NBEAL1: variants seen among roughly 807,000 people sequenced by gnomAD.
NBEAL1 encodes the protein neurobeachin like 1.
NBEAL1 carries 273 observed loss-of-function variants against 351.3 expected under a neutral mutation model. That is an observed-to-expected ratio of 0.78 (90% CI 0.70 to 0.86). The LOEUF is 0.86. Ranked by LOEUF, NBEAL1 falls within the 40% of genes least tolerant of loss-of-function variation. NBEAL1 has a pLI of 0.00. For missense variants in NBEAL1, 2,961 were observed against 3,201.3 expected (o/e 0.92, Z 1.81); for synonymous variants, 1,050 against 1,086.4 (o/e 0.97, Z 0.66).
At chr2:203,207,166 G>A (rs1171706389) in intron 51 of NBEAL1, among the ~76,000 whole-genome samples, 1 of 151,262 alleles carries the variant, frequency 6.6e-6, no homozygotes, top group East Asian at 2.0e-4. Flanking sequence ...TGAGAAGTGA[G>A]GAGCCCCTCC....
intron 4 of NBEAL1, among the ~76,000 whole-genome samples, chr2:203,055,701 A>G (rs537826217): frequency 2.6e-5 from 4 of 152,312 alleles, no homozygotes; most frequent in Non-Finnish European, 5.9e-5. Context: ...AGATCACAAT[A>G]TCTCATAACA....
At chr2:203,132,158 C>T in intron 26 of NBEAL1, 26 bp downstream of exon 26, 2 of 1,340,474 alleles carry the variant, frequency 1.5e-6, no homozygotes, top group Non-Finnish European at 2.0e-6. Context: ...ATAAAGCTAA[C>T]ATATTTAAGA....
intron 47 of NBEAL1, among the ~76,000 whole-genome samples, chr2:203,196,779 C>T (rs1344199424): frequency 6.6e-6 from 1 of 152,156 alleles, no homozygotes; most frequent in Non-Finnish European, 1.5e-5. Context: ...TGTTCTCTTT[C>T]ACATTGTTAT....
intron 43 of NBEAL1, chr2:203,181,589 G>A (rs2064719038): frequency 1.3e-5 from 2 of 152,056 alleles, no homozygotes; most frequent in Admixed American, 1.3e-4. Context: ...TGTTCTTTAG[G>A]GAGGTTCCAC....
intron 35 of NBEAL1, among the ~76,000 whole-genome samples, chr2:203,154,092 C>T (rs776148691): frequency 7.3e-5 from 11 of 151,634 alleles, no homozygotes; most frequent in Admixed American, 5.2e-4. Context: ...AAAAATTAGC[C>T]GGGCGTAGTG....
At chr2:203,052,071 T>A (rs4325728) in intron 4 of NBEAL1, among the ~76,000 whole-genome samples, 1 of 152,162 alleles carries the variant, frequency 6.6e-6, no homozygotes, top group African/African-American at 2.4e-5. Context: ...ATTTGTGTTG[T>A]ATAGTTTCAT....
intron 33 of NBEAL1, 46 bp from the exon 34 acceptor site, chr2:203,148,945 T>A (rs377667724): frequency 6.7e-7 from 1 of 1,491,444 alleles, no homozygotes; most frequent in Non-Finnish European, 9.0e-7. Flanking sequence ...TAAATATACC[T>A]GTAAATATAT....
At chr2:203,046,118 C>T (rs908739623) in intron 3 of NBEAL1, among the ~76,000 whole-genome samples, 5 of 151,960 alleles carry the variant, frequency 3.3e-5, no homozygotes, top group Non-Finnish European at 7.4e-5. Context: ...AATTAGAGAC[C>T]AGCCTGGACA....
rs116598746 is a variant in NBEAL1 at position 203,195,585 on chromosome 2, G to A, written c.7038+1674G>A. Among the ~76,000 whole-genome samples the A allele has an allele frequency of 2.9e-3, 435 of 152,318 alleles. 4 individuals carry two copies. Among genetic ancestry groups the A allele is most frequent in the African/African-American group, 0.01 (422 of 41,570 alleles). ...GACTCACGGAATTTAACATGTAGTT[G>A]TAGTCATGGCTAAGATTTATTACAG... On this transcript the variant is annotated intron_variant, in intron 47 of 55. Coordinates refer to ENST00000683969, the MANE Select transcript of NBEAL1 (RefSeq NM_001378026.1).
intron 33 of NBEAL1, among the ~76,000 whole-genome samples, chr2:203,148,646 A>G (rs926043347): frequency 6.6e-6 from 1 of 152,084 alleles, no homozygotes; most frequent in African/African-American, 2.4e-5. Context: ...AAATCAAAAG[A>G]TCCCAGAGGA....
At chr2:203,160,231 C>A (rs1357237845) in intron 36 of NBEAL1, among the ~76,000 whole-genome samples, 1 of 152,058 alleles carries the variant, frequency 6.6e-6, no homozygotes, top group Non-Finnish European at 1.5e-5. Flanking sequence ...AGGCATCTGC[C>A]ACCATGCTCC....
intron 18 of NBEAL1, among the ~76,000 whole-genome samples, chr2:203,117,840 G>C (rs1408922024): frequency 3.3e-5 from 5 of 151,026 alleles, no homozygotes; most frequent in African/African-American, 1.2e-4. Flanking sequence ...GTGCCACCAT[G>C]CTGAGCTTTT....
At chr2:203,155,681 C>T (rs1185479415) in intron 35 of NBEAL1, among the ~76,000 whole-genome samples, 1 of 152,134 alleles carries the variant, frequency 6.6e-6, no homozygotes, top group Non-Finnish European at 1.5e-5. Flanking sequence ...TTTCTGGGCT[C>T]AAGTGATCCT....
chr2:203,177,518 T>C (rs1191411273), intron 42 of NBEAL1, among the ~76,000 whole-genome samples: 2 of 152,082 alleles, frequency 1.3e-5, no homozygotes, highest in Non-Finnish European at 2.9e-5. Flanking sequence ...GAAAAGATGC[T>C]CAACAGCATG....
intron 2 of NBEAL1, among the ~76,000 whole-genome samples, chr2:203,017,701 G>A (rs1328421286): frequency 6.6e-6 from 1 of 151,900 alleles, no homozygotes; most frequent in African/African-American, 2.4e-5. Context: ...GGTGAATGGG[G>A]TTACGTGTCT....
At chr2:203,201,822 C>A in intron 50 of NBEAL1, 107 bp downstream of exon 50, 4 of 841,062 alleles carry the variant, frequency 4.8e-6, no homozygotes, top group Admixed American at 3.3e-5. Context: ...ACCTTTGAAG[C>A]TGAGTGAACT....
chr2:203,159,520 A>T (rs1001727826), intron 36 of NBEAL1, among the ~76,000 whole-genome samples: 1 of 152,196 alleles, frequency 6.6e-6, no homozygotes, highest in African/African-American at 2.4e-5. Context: ...GTGTCATAGC[A>T]TATGAGAGTA....
rs2065681769 is a variant in NBEAL1, at chr2:203,208,697, G to A, written c.7567G>A (p.Glu2523Lys). 2 of 1,612,496 alleles carry A rather than the reference G, an allele frequency of 1.2e-6. No individual in the cohort carries two copies. Among genetic ancestry groups the A allele is most frequent in the Non-Finnish European group, 8.5e-7 (1 of 1,179,690 alleles). Reference protein sequence around the residue: ...PFQILYGHTNEVLSVGISTEL... With the variant: ...PFQILYGHTNKVLSVGISTEL... Reference sequence around the variant, plus strand: ...TCAGATTCTTTATGGACACACCAACGAGGTACTGAGTGTCGGCATCAGCAC... The same window carrying A: ...TCAGATTCTTTATGGACACACCAACAAGGTACTGAGTGTCGGCATCAGCAC... Residue 2523 changes from glutamate to lysine, a missense_variant, in exon 52 of 56, where the codon GAG becomes AAG. By Grantham distance (56) the Glu-to-Lys change is moderately conservative. Coordinates refer to ENST00000683969, the MANE Select transcript of NBEAL1 (RefSeq NM_001378026.1).
chr2:203,119,009 C>A (rs1265596536), intron 18 of NBEAL1, among the ~76,000 whole-genome samples: 23 of 151,046 alleles, frequency 1.5e-4, no homozygotes, highest in African/African-American at 4.4e-4. Flanking sequence ...TTCTATACTA[C>A]CAAAAAAATA....
Sources: gnomAD v4.1 joint callset for allele counts (sites outside exome capture counted in the v4.1 genomes callset) on GRCh38, gnomAD v4.1.1 for gene constraint, MANE v1.5 for transcripts, NCBI Gene and HGNC (gene_info 2026-07-23, HGNC 2026-07-21) for gene names.